SLC35D1: variants seen among roughly 807,000 people sequenced by gnomAD.
SLC35D1 encodes nucleotide sugar transporter SLC35D1.
Under a neutral mutation model 46.7 loss-of-function variants are expected in SLC35D1, and 31 were observed. That is an observed-to-expected ratio of 0.66 (90% CI 0.50 to 0.90). SLC35D1 has a LOEUF of 0.90. SLC35D1 is among the 40% of genes least tolerant of loss of function. The pLI is 0.00. For missense variants in SLC35D1, 397 were observed against 426.2 expected, an observed-to-expected ratio of 0.93 and a Z score of 0.60; for synonymous variants, 195 against 164.6, an observed-to-expected ratio of 1.18 and a Z score of -1.41.
At chr1:67,048,845 A>G (rs924897803) in intron 6 of SLC35D1, among the ~76,000 whole-genome samples, 1 of 152,250 alleles carries the variant, frequency 6.6e-6, no homozygotes, top group Admixed American at 6.5e-5. Context: ...ATAACCTAAT[A>G]GAATATCTAA....
intron 8 of SLC35D1, 146 bp downstream of exon 8, chr1:67,042,090 T>C: frequency 2.6e-6 from 2 of 782,458 alleles, no homozygotes; most frequent in Admixed American, 3.9e-5. Context: ...GAGGTTAGCA[T>C]GACATTAGCA....
chr1:67,027,069 G>C (rs1018249616), intron 8 of SLC35D1, among the ~76,000 whole-genome samples: 36 of 152,202 alleles, frequency 2.4e-4, no homozygotes, highest in Non-Finnish European at 4.4e-5. Flanking sequence ...TTACTTAACA[G>C]AGTAGAGTTA....
rs1449604951 is a variant in SLC35D1, at chr1:67,009,372, C to G, written c.877-205G>C. On this transcript the variant is annotated intron_variant, in intron 10 of 11. Transcript: ENST00000235345. Reference sequence around the variant, plus strand: ...ATTAGCCTCTTCCCAATCGATTTCTCCAGAAGATAAATGCTTTTGCCAATA... The same window carrying G: ...ATTAGCCTCTTCCCAATCGATTTCTGCAGAAGATAAATGCTTTTGCCAATA... Among the ~76,000 whole-genome samples, 5 of 152,092 alleles carry G rather than the reference C, an allele frequency of 3.3e-5. No individual in the cohort carries two copies. The South Asian group carries it at 6.2e-4, about 19-fold the overall frequency.
chr1:66,980,073 C>T, the SLC35D1 span, among the ~76,000 whole-genome samples: 3 of 152,266 alleles, frequency 2.0e-5, no homozygotes, highest in African/African-American at 7.2e-5. Flanking sequence ...CTTGCTTTGG[C>T]TTTTAACTTC....
downstream of SLC35D1, among the ~76,000 whole-genome samples, chr1:66,996,668 T>A (rs910619031): frequency 6.6e-6 from 1 of 152,200 alleles, no homozygotes; most frequent in African/African-American, 2.4e-5. Context: ...GAATTGAAGT[T>A]ACCTGGTAAA....
At chr1:66,997,519 A>T (rs12057217), downstream of SLC35D1, among the ~76,000 whole-genome samples, 3,092 of 73,934 alleles carry the variant, frequency 0.042, 72 homozygotes, top group Non-Finnish European at 0.049. Context: ...AAAAAAAAAA[A>T]ATATATATAT....
intron 10 of SLC35D1, among the ~76,000 whole-genome samples, chr1:67,019,191 C>T (rs528064477): frequency 6.6e-6 from 1 of 152,266 alleles, no homozygotes; most frequent in Admixed American, 6.5e-5. Flanking sequence ...CGGCATCATC[C>T]GTCTCCTTAA....
Position 67,017,456 on chromosome 1 carries a change from A to C in SLC35D1, c.876+2913T>G, listed in dbSNP as rs188281913. 2.7e-4 allele frequency among the ~76,000 whole-genome samples: 41 copies of C among 152,318 alleles called. 1 individual carries two copies. In the East Asian group the frequency reaches 7.7e-3, roughly 29 times the overall value. On this transcript the variant is annotated intron_variant, in intron 10 of 11. Coordinates refer to ENST00000235345, the MANE Select transcript of SLC35D1 (RefSeq NM_015139.3). ...TTCCATTTTTGACTTTAAGCCACTGAAAGTTGAAACTGTGCTTTTCTTAAA... is the reference window on the plus strand; with the variant it reads ...TTCCATTTTTGACTTTAAGCCACTGCAAGTTGAAACTGTGCTTTTCTTAAA...
chr1:67,005,384 A>C (rs1291497099), intron 11 of SLC35D1, among the ~76,000 whole-genome samples: 2 of 152,188 alleles, frequency 1.3e-5, no homozygotes, highest in Non-Finnish European at 1.5e-5. Flanking sequence ...CAGAAGGGTG[A>C]GAGACGCCTA....
the SLC35D1 span, among the ~76,000 whole-genome samples, chr1:66,990,131 G>A: frequency 1.3e-5 from 2 of 152,172 alleles, no homozygotes; most frequent in Non-Finnish European, 2.9e-5. Flanking sequence ...GTGGTTTTGA[G>A]CTTTCAAACA....
intron 11 of SLC35D1, chr1:67,008,537 A>G: frequency 9.5e-7 from 1 of 1,056,728 alleles, no homozygotes; most frequent in Admixed American, 2.9e-5. Context: ...AACGTGCCGA[A>G]CTGCTTCCAA....
the SLC35D1 span, chr1:66,973,053 G>A: frequency 3.5e-6 from 3 of 865,996 alleles, no homozygotes; most frequent in Non-Finnish European, 5.8e-6. Context: ...AAATGGTCAT[G>A]TATCGTAATT....
chr1:67,046,687 T>C (rs1219963823), intron 7 of SLC35D1, among the ~76,000 whole-genome samples: 1 of 152,222 alleles, frequency 6.6e-6, no homozygotes, highest in African/African-American at 2.4e-5. Flanking sequence ...ATGATTCAAA[T>C]ACTCAGCTTT....
chr1:67,007,482 A>AG (rs34882801), intron 11 of SLC35D1, among the ~76,000 whole-genome samples: 117,750 of 152,014 alleles, frequency 0.77, 45,878 homozygotes, highest in East Asian at 0.88. Flanking sequence ...TAGAGCAAGG[A>AG]ATGTAACATT....
At chr1:66,976,546 A>C in the SLC35D1 span, 1 of 1,515,710 alleles carries the variant, frequency 6.6e-7, no homozygotes, top group Non-Finnish European at 8.8e-7. Context: ...ATCATGAAGT[A>C]ACTTTGTTAA....
In SLC35D1 at chr1:67,051,789, T is replaced by TA. The variant is rs201491130; in HGVS notation, c.392+222dup. On this transcript the variant is annotated intron_variant, in intron 4 of 11. Transcript: ENST00000235345. ...AGACTTCTAACATCAAAATGAGGGG[T>TA]AAAAAAACAAAAACAAAAAACTCCT... Among the ~76,000 whole-genome samples the TA allele has an allele frequency of 0.06, 6,269 of 103,926 alleles. 418 individuals carry two copies. The highest frequency in any genetic ancestry group is 0.19 in the African/African-American group (5,878 of 30,250). 68.2% of individuals were successfully genotyped at this position (103,926 alleles called of 152,430 possible).
In SLC35D1 at chr1:67,000,365, A is replaced by G. The variant is rs1168668566; in HGVS notation, c.*3975T>C. 2.0e-5 allele frequency: 3 copies of G among 151,162 alleles called. No individual in the cohort carries two copies. The highest frequency in any genetic ancestry group is 7.3e-5 in the African/African-American group (3 of 41,144). 9.4% of individuals were successfully genotyped at this position (151,162 alleles called of 1,614,324 possible). On this transcript the variant is annotated 3_prime_UTR_variant, in exon 12 of 12. Coordinates refer to ENST00000235345, the MANE Select transcript of SLC35D1 (RefSeq NM_015139.3). Reference sequence around the variant, plus strand: ...TTTTCCTTTATTAAAATGTACTGTCACAATATAAAAGAAATTTTGTTCTTT... The same window carrying G: ...TTTTCCTTTATTAAAATGTACTGTCGCAATATAAAAGAAATTTTGTTCTTT...
intron 8 of SLC35D1, among the ~76,000 whole-genome samples, chr1:67,024,914 T>A (rs1050674388): frequency 6.6e-6 from 1 of 152,170 alleles, no homozygotes; most frequent in African/African-American, 2.4e-5. Flanking sequence ...TGGCTAATAT[T>A]TTTTAAGTTC....
chr1:67,051,065 G>A (rs954029956), intron 4 of SLC35D1, among the ~76,000 whole-genome samples: 1 of 150,942 alleles, frequency 6.6e-6, no homozygotes, highest in South Asian at 2.1e-4. Context: ...ATGGTTGGAT[G>A]AGATGGATGA....
Sources: gnomAD v4.1 joint callset for allele counts (sites outside exome capture counted in the v4.1 genomes callset) on GRCh38, gnomAD v4.1.1 for gene constraint, MANE v1.5 for transcripts, NCBI Gene and HGNC (gene_info 2026-07-23, HGNC 2026-07-21) for gene names.